GMDS: variants seen among roughly 807,000 people sequenced by gnomAD.
GMDS encodes GDP-mannose 4,6 dehydratase.
Under a neutral mutation model 49.9 loss-of-function variants are expected in GMDS, and 20 were observed. The ratio of observed to expected loss-of-function variants is 0.40; its 90% confidence interval spans 0.28 to 0.58. The LOEUF (loss-of-function observed/expected upper bound fraction) is 0.58, where lower values mean the gene tolerates loss of function less well. GMDS is among the 20% of genes least tolerant of loss of function. The pLI is 0.42. For synonymous variants in GMDS, 177 were observed against 178.6 expected (o/e 0.99, Z 0.07); for missense variants, 362 against 481.4 (o/e 0.75, Z 2.32).
intron 7 of GMDS, among the ~76,000 whole-genome samples, chr6:1,840,958 A>C (rs1208159862): frequency 6.6e-6 from 1 of 152,178 alleles, no homozygotes; most frequent in African/African-American, 2.4e-5. Context: ...CACGTAATGC[A>C]AGTTACAAAC....
chr6:1,766,399 G>A lies in GMDS; in HGVS notation c.772-23813C>T, dbSNP rs925829141. Among the ~76,000 whole-genome samples the A allele has an allele frequency of 2.6e-5, 4 of 152,118 alleles. No homozygotes were observed. Among genetic ancestry groups the A allele is most frequent in the Non-Finnish European group, 4.4e-5 (3 of 68,022 alleles). On this transcript the variant is annotated intron_variant, in intron 7 of 10. Transcript: ENST00000380815. This position sits in a 1 kb window ranked among gnomAD's most constrained non-coding sequence, Gnocchi z 4.5. ...TTAGAACCCACACCTTCCGTCTCCC[G>A]GGCCAGGTCTCTTTGTAGGCCACCA...
chr6:2,095,042 C>T (rs1228242583), intron 4 of GMDS, among the ~76,000 whole-genome samples: 1 of 152,194 alleles, frequency 6.6e-6, no homozygotes, highest in Non-Finnish European at 1.5e-5. Flanking sequence ...AGATGCCACA[C>T]TCCCCCAAAA....
chr6:1,747,929 G>GA (rs1167557410), intron 7 of GMDS, among the ~76,000 whole-genome samples: 1 of 151,982 alleles, frequency 6.6e-6, no homozygotes, highest in Non-Finnish European at 1.5e-5. Flanking sequence ...TTAAAGATAC[G>GA]ACGTTACTGA....
intron 4 of GMDS, among the ~76,000 whole-genome samples, chr6:2,095,791 A>G (rs1773571170): frequency 6.6e-6 from 1 of 152,212 alleles, no homozygotes; most frequent in Non-Finnish European, 1.5e-5. Flanking sequence ...CCTTTCAATG[A>G]TATATCTAAT....
At chr6:1,912,643 A>G (rs1167588125) in intron 7 of GMDS, among the ~76,000 whole-genome samples, 1 of 152,162 alleles carries the variant, frequency 6.6e-6, no homozygotes, top group Admixed American at 6.5e-5. Context: ...GATCTCAACT[A>G]CCCGTGGGAT....
rs111436572 is a variant in GMDS, at chr6:1,868,135, C to T, written c.771+61968G>A. Among the ~76,000 whole-genome samples the T allele has an allele frequency of 8.9e-3, 1,354 of 152,136 alleles. 23 individuals are homozygous for T. Among genetic ancestry groups the T allele is most frequent in the African/African-American group, 0.031 (1,299 of 41,500 alleles). ...CTGAGTAGCTGGGACTACAGGCACC[C>T]GCCAGCACGCCTGGCTAATTTTTAT... On this transcript the variant is annotated intron_variant, in intron 7 of 10. Coordinates refer to ENST00000380815, the MANE Select transcript of GMDS (RefSeq NM_001500.4).
At chr6:1,721,096 T>A (rs1008296101) in intron 9 of GMDS, among the ~76,000 whole-genome samples, 5 of 152,052 alleles carry the variant, frequency 3.3e-5, no homozygotes, top group African/African-American at 1.2e-4. Context: ...GTGTTACATA[T>A]CATTATTCTA....
chr6:2,182,052 T>C lies in GMDS; in HGVS notation c.103-57321A>G, dbSNP rs1031863252. ...ATTAAAAGTACTACTCCAGTGTACA[T>C]ACAAATGATAAGAAAGTGAAACAGC... On this transcript the variant is annotated intron_variant, in intron 1 of 10. Transcript: ENST00000380815. Among the ~76,000 whole-genome samples, 7 of 152,236 alleles carry C rather than the reference T, an allele frequency of 4.6e-5. No homozygotes were observed. In the East Asian group the frequency reaches 5.8e-4, roughly 13 times the overall value.
chr6:1,847,605 C>A (rs1048641653), intron 7 of GMDS, among the ~76,000 whole-genome samples: 1 of 152,182 alleles, frequency 6.6e-6, no homozygotes, highest in African/African-American at 2.4e-5. Flanking sequence ...CTCAGTGTGT[C>A]CAATACAGAA....
chr6:1,697,781 C>T (rs2113354695), intron 9 of GMDS, among the ~76,000 whole-genome samples: 1 of 152,308 alleles, frequency 6.6e-6, no homozygotes, highest in East Asian at 1.9e-4. Context: ...AGAAGTCAGA[C>T]TAGATGCCAA....
At chr6:1,951,243 T>G (rs1763327325) in intron 6 of GMDS, among the ~76,000 whole-genome samples, 1 of 152,252 alleles carries the variant, frequency 6.6e-6, no homozygotes, top group South Asian at 2.1e-4. Flanking sequence ...GATTAATTTA[T>G]AAAGATAAAT....
In GMDS at chr6:2,245,413, C is replaced by G. The variant is rs555054513; in HGVS notation, c.10G>C (p.Ala4Pro). ...CGGGCGCTGGGGCAGCGTGCCGGTGCGTGTGCCATGTCCCGCGGCGGGCGT... is the reference window on the plus strand; with the variant it reads ...CGGGCGCTGGGGCAGCGTGCCGGTGGGTGTGCCATGTCCCGCGGCGGGCGT... Reference protein sequence around the residue: MAHAPARCPSARGS... With the variant: MAHPPARCPSARGS... The change falls in exon 1 of 11, where the codon GCA becomes CCA. Residue 4 changes from alanine (A) to proline (P), a missense_variant. Physicochemically the swap from Ala to Pro is conservative, Grantham distance 27. Coordinates refer to ENST00000380815, the MANE Select transcript of GMDS (RefSeq NM_001500.4). The G allele has an allele frequency of 1.5e-5, 23 of 1,519,772 alleles. No homozygotes were observed. Among genetic ancestry groups the G allele is most frequent in the Non-Finnish European group, 7.9e-6 (9 of 1,138,708 alleles). 94.1% of individuals were successfully genotyped at this position (1,519,772 alleles called of 1,614,324 possible). A position where few individuals can be genotyped will look rare whatever the true frequency, so the allele number is the denominator to read the frequency against.
intron 7 of GMDS, among the ~76,000 whole-genome samples, chr6:1,775,399 A>C (rs1768756956): frequency 6.6e-6 from 1 of 152,118 alleles, no homozygotes. Flanking sequence ...TTTTCCTTTT[A>C]CTCTGTTGAA....
intron 1 of GMDS, among the ~76,000 whole-genome samples, chr6:2,221,180 A>G (rs1780569394): frequency 6.6e-6 from 1 of 152,144 alleles, no homozygotes; most frequent in Admixed American, 6.5e-5. Context: ...AGCAACACCC[A>G]ATCTCAAACA....
At chr6:1,988,776 G>C (rs1450262671) in intron 4 of GMDS, among the ~76,000 whole-genome samples, 1 of 151,844 alleles carries the variant, frequency 6.6e-6, no homozygotes, top group Non-Finnish European at 1.5e-5. Flanking sequence ...ATGAGAAGTG[G>C]ATTTTGAAAT....
intron 8 of GMDS, among the ~76,000 whole-genome samples, chr6:1,740,897 G>C (rs376360515): frequency 1.1e-4 from 17 of 152,018 alleles, no homozygotes; most frequent in African/African-American, 4.1e-4. Flanking sequence ...TTAGTTTCCT[G>C]CACAAAGTTT....
chr6:2,024,227 C>G (rs1416420602), intron 4 of GMDS, among the ~76,000 whole-genome samples: 2 of 152,024 alleles, frequency 1.3e-5, no homozygotes, highest in Admixed American at 1.3e-4. Context: ...AAAGTAAAAG[C>G]AAAATAGAGA....
At chr6:1,681,759 A>G (rs1286378407) in intron 9 of GMDS, among the ~76,000 whole-genome samples, 1 of 152,248 alleles carries the variant, frequency 6.6e-6, no homozygotes, top group East Asian at 1.9e-4. Flanking sequence ...CAGTGGCACG[A>G]TCACAGCTCA....
intron 9 of GMDS, among the ~76,000 whole-genome samples, chr6:1,683,090 C>G (rs1764841421): frequency 6.6e-6 from 1 of 152,176 alleles, no homozygotes; most frequent in Non-Finnish European, 1.5e-5. Flanking sequence ...CTGGCTCCTA[C>G]AGCACACATT....
Sources: gnomAD v4.1 joint callset for allele counts (sites outside exome capture counted in the v4.1 genomes callset) on GRCh38, gnomAD v4.1.1 for gene constraint, Gnocchi (gnomAD v3.1) non-coding constraint, MANE v1.5 for transcripts, NCBI Gene and HGNC (gene_info 2026-07-23, HGNC 2026-07-21) for gene names.